The following SESTD1 variants were observed in gnomAD, a reference collection of about 807,000 sequenced individuals.
SESTD1 encodes SEC14 domain and spectrin repeat-containing protein 1.
SESTD1 carries 43 observed loss-of-function variants against 101.7 expected under a neutral mutation model. The observed-to-expected ratio is 0.42, with a 90% CI of 0.33 to 0.55. The LOEUF (loss-of-function observed/expected upper bound fraction) is 0.55. Ranked by LOEUF, SESTD1 falls within the 20% of genes least tolerant of loss-of-function variation. SESTD1 has a pLI of 0.07. For missense variants in SESTD1, 647 were observed against 815.1 expected, an observed-to-expected ratio of 0.79 and a Z score of 2.51; for synonymous variants, 283 against 286.8, an observed-to-expected ratio of 0.99 and a Z score of 0.13.
At chr2:179,222,329 G>A (rs1017601280) in intron 1 of SESTD1, among the ~76,000 whole-genome samples, 11 of 152,128 alleles carry the variant, frequency 7.2e-5, no homozygotes, top group African/African-American at 2.7e-4. Context: ...TTTCTTTTAT[G>A]AGCAAATCAC....
intron 10 of SESTD1, among the ~76,000 whole-genome samples, chr2:179,126,276 A>G (rs2044872913): frequency 6.6e-6 from 1 of 152,160 alleles, no homozygotes; most frequent in African/African-American, 2.4e-5. Context: ...AAAAAATTCC[A>G]TCTTGCCACA....
rs527570253 is a variant in SESTD1 at position 179,238,060 on chromosome 2, T to C, written c.-26+26439A>G. Among the ~76,000 whole-genome samples the C allele has an allele frequency of 2.0e-5, 3 of 152,332 alleles. No homozygotes were observed. In the South Asian group the frequency reaches 6.2e-4, roughly 32 times the overall value. On this transcript the variant is annotated intron_variant, in intron 1 of 17. Transcript: ENST00000428443. Reference sequence around the variant, plus strand: ...TAACATATATTTTGTATATGTACTATATACAATATTCTTACAATAAAGCTA... The same window carrying C: ...TAACATATATTTTGTATATGTACTACATACAATATTCTTACAATAAAGCTA...
At chr2:179,129,085 A>G (rs895453175) in intron 10 of SESTD1, among the ~76,000 whole-genome samples, 13 of 152,230 alleles carry the variant, frequency 8.5e-5, no homozygotes, top group African/African-American at 3.1e-4. Flanking sequence ...CGGGTTAAAA[A>G]GGTGATTATA....
chr2:179,156,462 G>A (rs911413148), intron 5 of SESTD1, among the ~76,000 whole-genome samples: 2 of 152,186 alleles, frequency 1.3e-5, no homozygotes, highest in Non-Finnish European at 2.9e-5. Flanking sequence ...CAGTACGGAA[G>A]TGTTCCCTGA....
chr2:179,227,435 G>C (rs2046904866), intron 1 of SESTD1, among the ~76,000 whole-genome samples: 2 of 151,990 alleles, frequency 1.3e-5, no homozygotes. Flanking sequence ...GAAAATTTTG[G>C]GATTCCTCTG....
At chr2:179,188,760 A>C (rs562073089) in intron 2 of SESTD1, among the ~76,000 whole-genome samples, 1 of 152,326 alleles carries the variant, frequency 6.6e-6, no homozygotes, top group East Asian at 1.9e-4. Flanking sequence ...TAGAAATGAC[A>C]AGGTGACATT....
intron 1 of SESTD1, among the ~76,000 whole-genome samples, chr2:179,199,127 C>A (rs1040240367): frequency 2.6e-5 from 4 of 151,998 alleles, no homozygotes; most frequent in Non-Finnish European, 5.9e-5. Flanking sequence ...GGGGAAATCA[C>A]CACCGATCCC....
At chr2:179,126,069 G>T (rs183337802) in intron 10 of SESTD1, among the ~76,000 whole-genome samples, 29 of 152,194 alleles carry the variant, frequency 1.9e-4, no homozygotes, top group African/African-American at 6.0e-4. Context: ...TAAATAAGCT[G>T]TAATTTATTA....
intron 2 of SESTD1, among the ~76,000 whole-genome samples, chr2:179,184,097 C>G (rs189246480): frequency 6.6e-6 from 1 of 152,064 alleles, no homozygotes; most frequent in Admixed American, 6.6e-5. Context: ...TCTGAAATCC[C>G]GGTAGTAGAA....
chr2:179,244,305 A>G (rs2047198478), intron 1 of SESTD1, among the ~76,000 whole-genome samples: 1 of 152,042 alleles, frequency 6.6e-6, no homozygotes. Context: ...TAAAAATACA[A>G]AAAATTAGCC....
intron 1 of SESTD1, among the ~76,000 whole-genome samples, chr2:179,247,730 G>A (rs773855033): frequency 7.2e-5 from 11 of 151,850 alleles, no homozygotes; most frequent in Admixed American, 1.3e-4. Flanking sequence ...ATGAACCACC[G>A]TGCCTGATTA....
intron 1 of SESTD1, among the ~76,000 whole-genome samples, chr2:179,257,632 T>C (rs1020982006): frequency 3.9e-5 from 6 of 151,968 alleles, no homozygotes; most frequent in Admixed American, 1.3e-4. Flanking sequence ...AAATGAACTA[T>C]AACAAGTTAA....
At chr2:179,131,599 G>C (rs546758116) in intron 10 of SESTD1, among the ~76,000 whole-genome samples, 19 of 152,148 alleles carry the variant, frequency 1.2e-4, no homozygotes, top group African/African-American at 3.6e-4. Flanking sequence ...TAGGGAGAGG[G>C]GGGTGAGCTA....
intron 5 of SESTD1, among the ~76,000 whole-genome samples, chr2:179,160,821 C>T (rs1203756198): frequency 6.6e-6 from 1 of 151,702 alleles, no homozygotes; most frequent in Non-Finnish European, 1.5e-5. Flanking sequence ...TTTTGCAGAA[C>T]ATAATGAAGT....
At chr2:179,237,385 C>T (rs1301482366) in intron 1 of SESTD1, among the ~76,000 whole-genome samples, 4 of 152,150 alleles carry the variant, frequency 2.6e-5, no homozygotes, top group Non-Finnish European at 5.9e-5. Flanking sequence ...GGGGACTTGG[C>T]GTAATTTGAT....
At chr2:179,110,593 T>C (rs1418885142) in intron 17 of SESTD1, among the ~76,000 whole-genome samples, 2 of 152,138 alleles carry the variant, frequency 1.3e-5, no homozygotes, top group African/African-American at 4.8e-5. Context: ...AAGTGGAGCC[T>C]AGCAAGTTAA....
intron 1 of SESTD1, among the ~76,000 whole-genome samples, chr2:179,249,737 T>C (rs2047288099): frequency 6.6e-6 from 1 of 151,904 alleles, no homozygotes; most frequent in Non-Finnish European, 1.5e-5. Flanking sequence ...AAGGAATCAG[T>C]TAACCCAATA....
intron 9 of SESTD1, among the ~76,000 whole-genome samples, chr2:179,133,996 CATTGT>C (rs2045076396): frequency 6.6e-6 from 1 of 152,142 alleles, no homozygotes; most frequent in Non-Finnish European, 1.5e-5. Context: ...ATAGCATCTG[CATTGT>C]AGTAGATATT....
intron 10 of SESTD1, among the ~76,000 whole-genome samples, chr2:179,128,084 C>T (rs2044918816): frequency 6.6e-6 from 1 of 152,162 alleles, no homozygotes; most frequent in African/African-American, 2.4e-5. Flanking sequence ...AATGTCTAAG[C>T]TTCACTCCTG....
Sources: allele counts gnomAD v4.1 joint callset (sites outside exome capture counted in the v4.1 genomes callset), GRCh38; gene constraint gnomAD v4.1.1; transcripts MANE v1.5; gene names NCBI Gene and HGNC (gene_info 2026-07-23, HGNC 2026-07-21).